FOXP1: variants seen among roughly 807,000 people sequenced by gnomAD.
FOXP1 encodes forkhead box protein P1.
A neutral mutation model predicts 98.2 loss-of-function variants in FOXP1; 15 were observed. The observed-to-expected ratio is 0.15, with a 90% CI of 0.10 to 0.24. The LOEUF (loss-of-function observed/expected upper bound fraction) is 0.24, where lower values mean the gene tolerates loss of function less well. Ranked by LOEUF, FOXP1 falls within the 10% of genes least tolerant of loss-of-function variation. The probability of loss-of-function intolerance (pLI) is 1.00; values close to 1 mark genes in which losing one functional copy is unlikely to be tolerated. For missense variants in FOXP1, 633 were observed against 848.5 expected, an observed-to-expected ratio of 0.75 and a Z score of 3.15; for synonymous variants, 371 against 314.5, an observed-to-expected ratio of 1.18 and a Z score of -1.90.
intron 6 of FOXP1, among the ~76,000 whole-genome samples, chr3:71,177,224 C>G (rs574419253): frequency 6.6e-6 from 1 of 152,128 alleles, no homozygotes; most frequent in Non-Finnish European, 1.5e-5. Flanking sequence ...GACTCTCTCC[C>G]GTTGAAATGA....
chr3:71,129,085 C>T (rs59086576), intron 6 of FOXP1, among the ~76,000 whole-genome samples: 2,753 of 152,178 alleles, frequency 0.018, 62 homozygotes, highest in African/African-American at 0.052. Flanking sequence ...AAAAACAAAA[C>T]GAGCGAGCTG....
intron 2 of FOXP1, among the ~76,000 whole-genome samples, chr3:71,563,437 C>T (rs969124557): frequency 6.6e-6 from 1 of 152,200 alleles, no homozygotes; most frequent in East Asian, 1.9e-4. Context: ...AGAACAGAGT[C>T]ACCTTACCTA....
chr3:71,236,860 G>A (rs1157886191), intron 5 of FOXP1, among the ~76,000 whole-genome samples: 9 of 144,722 alleles, frequency 6.2e-5, no homozygotes, highest in East Asian at 2.1e-4. Context: ...GTGACACAGC[G>A]AGATCCTGTC....
chr3:71,188,471 GT>G (rs1285958695), intron 6 of FOXP1, among the ~76,000 whole-genome samples: 2 of 150,376 alleles, frequency 1.3e-5, no homozygotes, highest in African/African-American at 2.5e-5. Context: ...CTGGAGTGCA[GT>G]GGCACAATCT....
At chr3:71,390,563 G>C (rs1165851131) in intron 3 of FOXP1, among the ~76,000 whole-genome samples, 1 of 146,468 alleles carries the variant, frequency 6.8e-6, no homozygotes, top group African/African-American at 2.5e-5. Context: ...CAGTAAGGAT[G>C]TGTGTGTGTG....
At chr3:71,450,308 A>G (rs2086823660) in intron 3 of FOXP1, among the ~76,000 whole-genome samples, 3 of 152,240 alleles carry the variant, frequency 2.0e-5, no homozygotes, top group Admixed American at 2.0e-4. Context: ...ACCTGCTATC[A>G]GAACAGAAAC....
intron 13 of FOXP1, among the ~76,000 whole-genome samples, chr3:71,000,462 G>A (rs1041752762): frequency 4.6e-5 from 7 of 152,050 alleles, no homozygotes; most frequent in South Asian, 2.1e-4. Context: ...ATTGCGACTT[G>A]GGAAAACACG....
At chr3:71,515,874 C>G (rs896262608) in intron 2 of FOXP1, among the ~76,000 whole-genome samples, 1 of 152,148 alleles carries the variant, frequency 6.6e-6, no homozygotes, top group Non-Finnish European at 1.5e-5. Context: ...AAGGAAGGAA[C>G]AAGGGTCAGA....
intron 3 of FOXP1, among the ~76,000 whole-genome samples, chr3:71,456,184 T>G (rs369322911): frequency 2.0e-5 from 3 of 152,178 alleles, no homozygotes; most frequent in African/African-American, 4.8e-5. Context: ...TGGGGCATAC[T>G]TTTTGAAACC....
chr3:70,988,135 C>A, intron 13 of FOXP1, 58 bp from the exon 14 acceptor site: 2 of 1,409,878 alleles, frequency 1.4e-6, no homozygotes, highest in Non-Finnish European at 2.0e-6. Flanking sequence ...GCTCTTAACA[C>A]CAAAAATGAT....
intron 13 of FOXP1, among the ~76,000 whole-genome samples, chr3:70,993,919 G>C (rs567527091): frequency 6.6e-6 from 1 of 151,642 alleles, no homozygotes; most frequent in African/African-American, 2.4e-5. Flanking sequence ...GCTTGAACCC[G>C]GGAGGTGGAA....
chr3:71,005,981 T>C lies in FOXP1; in HGVS notation c.975-4922A>G, dbSNP rs1251971671. 2.0e-5 allele frequency among the ~76,000 whole-genome samples: 3 copies of C among 152,002 alleles called. No homozygotes were observed. The East Asian group carries it at 5.8e-4, about 29-fold the overall frequency. On this transcript the variant is annotated intron_variant, in intron 12 of 20. Transcript: ENST00000649528. The stretch of plus-strand genomic sequence containing the variant: ...TATGGGATTTCCTGGACAGCTAATA[T>C]CCACAAACAATCAAACACAGGAGGA...
chr3:71,216,307 T>C lies in FOXP1; in HGVS notation c.-11-17915A>G, dbSNP rs182991590. On this transcript the variant is annotated intron_variant, in intron 5 of 20. Transcript: ENST00000649528. ...CTTTAAGAATTTAAGTATGATTGAA[T>C]AAGTCTCCATGTATTTACAAATTTC... 2.0e-5 allele frequency among the ~76,000 whole-genome samples: 3 copies of C among 152,388 alleles called. No homozygotes were observed. The East Asian group carries it at 5.8e-4, about 29-fold the overall frequency.
At chr3:71,317,185 G>T (rs2075128413) in intron 4 of FOXP1, among the ~76,000 whole-genome samples, 2 of 152,144 alleles carry the variant, frequency 1.3e-5, no homozygotes, top group African/African-American at 4.8e-5. Flanking sequence ...CCACCAGAGA[G>T]TTGAAGCATT....
At chr3:71,353,675 A>C (rs971062848) in intron 4 of FOXP1, among the ~76,000 whole-genome samples, 12 of 152,128 alleles carry the variant, frequency 7.9e-5, no homozygotes, top group Non-Finnish European at 1.6e-4. Context: ...AACCCTAGTT[A>C]CTCCATAAGT....
chr3:71,317,525 A>G (rs1370990554), intron 4 of FOXP1, among the ~76,000 whole-genome samples: 1 of 152,238 alleles, frequency 6.6e-6, no homozygotes, highest in African/African-American at 2.4e-5. Context: ...AATAGCAACA[A>G]AAAATATTTT....
At chr3:71,434,807 G>A (rs1252406241) in intron 3 of FOXP1, among the ~76,000 whole-genome samples, 2 of 152,084 alleles carry the variant, frequency 1.3e-5, no homozygotes, top group African/African-American at 4.8e-5. Flanking sequence ...ATTCTGGGTA[G>A]TAAGAAGATG....
At chr3:71,233,640 C>T (rs979490043) in intron 5 of FOXP1, among the ~76,000 whole-genome samples, 10 of 147,122 alleles carry the variant, frequency 6.8e-5, no homozygotes, top group Non-Finnish European at 1.0e-4. Flanking sequence ...CAGGGTTTCA[C>T]CATATTGGCC....
chr3:71,262,264 CAAAAAAAAAAAAAAAAAAAA>C (rs71104433), intron 5 of FOXP1, among the ~76,000 whole-genome samples: 11 of 25,696 alleles, frequency 4.3e-4, no homozygotes, highest in Admixed American at 3.0e-3. Context: ...GACTCTGTCA[CAAAAAAAAAAAAAAAAAAAA>C]AAAAAAAAAA....
Sources: gnomAD v4.1 joint callset for allele counts (sites outside exome capture counted in the v4.1 genomes callset) on GRCh38, gnomAD v4.1.1 for gene constraint, MANE v1.5 for transcripts, NCBI Gene and HGNC (gene_info 2026-07-23, HGNC 2026-07-21) for gene names.